Variants in CAMTA1 observed in about 807,000 individuals in gnomAD.
The protein encoded by CAMTA1 is calmodulin binding transcription activator 1, also known as calmodulin-binding transcription activator 1.
A neutral mutation model predicts 170.9 loss-of-function variants in CAMTA1; 27 were observed. That is an observed-to-expected ratio of 0.16 (90% confidence interval 0.12 to 0.22). The LOEUF is 0.22. Ranked by LOEUF, CAMTA1 falls within the 10% of genes least tolerant of loss-of-function variation. CAMTA1 has a pLI of 1.00. For synonymous variants in CAMTA1, 833 were observed against 891.5 expected (o/e 0.93, Z 1.17); for missense variants, 1,619 against 2,217.2 (o/e 0.73, Z 5.42).
chr1:7,324,284 G>A (rs574525674), intron 5 of CAMTA1, among the ~76,000 whole-genome samples: 1 of 151,896 alleles, frequency 6.6e-6, no homozygotes, highest in South Asian at 2.1e-4. Flanking sequence ...TATTTTATCT[G>A]CTTTCTTTTG....
At chr1:7,499,293 CGTGT>C (rs1291614707) in intron 6 of CAMTA1, among the ~76,000 whole-genome samples, 8 of 74,320 alleles carry the variant, frequency 1.1e-4, no homozygotes, top group Non-Finnish European at 1.5e-4. Context: ...GCCTGGTGTG[CGTGT>C]GTATGTATAT....
intron 1 of CAMTA1, among the ~76,000 whole-genome samples, chr1:6,798,729 T>C (rs1164283593): frequency 7.1e-6 from 1 of 141,032 alleles, no homozygotes; most frequent in Non-Finnish European, 1.5e-5. Context: ...CCCGAGTAGC[T>C]GGGACTACAG....
intron 3 of CAMTA1, among the ~76,000 whole-genome samples, chr1:6,930,939 C>G (rs879530764): frequency 6.6e-6 from 1 of 152,230 alleles, no homozygotes; most frequent in Non-Finnish European, 1.5e-5. Context: ...TTGGCTCCGC[C>G]GCGTCTCCTC....
intron 6 of CAMTA1, among the ~76,000 whole-genome samples, chr1:7,539,069 C>A (rs2094580022): frequency 6.6e-6 from 1 of 152,218 alleles, no homozygotes. Context: ...CCCTCAGGGC[C>A]AGGGTTGCAA....
intron 3 of CAMTA1, among the ~76,000 whole-genome samples, chr1:7,062,816 C>T (rs1708433983): frequency 6.6e-6 from 1 of 152,216 alleles, no homozygotes; most frequent in Admixed American, 6.5e-5. Context: ...CCTCGCCCCT[C>T]CTAGCGTCTG....
Position 7,736,208 on chromosome 1 carries a change from G to A in CAMTA1, c.3067-136G>A, listed in dbSNP as rs2096771291. 3.7e-6 allele frequency: 3 copies of A among 803,432 alleles called. No homozygotes were observed. The highest frequency in any genetic ancestry group is 1.8e-5 in the South Asian group (1 of 55,122). 49.8% of individuals were successfully genotyped at this position (803,432 alleles called of 1,614,324 possible). A position where few individuals can be genotyped will look rare whatever the true frequency, so the allele number is the denominator to read the frequency against. On this transcript the variant is annotated intron_variant, in intron 12 of 22. Coordinates refer to ENST00000303635, the MANE Select transcript of CAMTA1 (RefSeq NM_015215.4). This position sits in a 1 kb window ranked among gnomAD's most constrained non-coding sequence, Gnocchi z 4.5. ...GCATGATCCAGCATGCCCAGCCAAT[G>A]TTTCTTTATTTTCAGTGTTTTATGT... is the stretch of plus-strand genomic sequence containing the variant.
At chr1:6,988,338 A>C (rs1300742816) in intron 3 of CAMTA1, among the ~76,000 whole-genome samples, 1 of 152,210 alleles carries the variant, frequency 6.6e-6, no homozygotes, top group Non-Finnish European at 1.5e-5. Flanking sequence ...TGCGGGAGGC[A>C]GACCTAATGA....
In CAMTA1 at chr1:7,751,240, C is replaced by T. The variant is rs140556422; in HGVS notation, c.4731C>T (p.Ile1577=). Residue 1577 remains isoleucine, a synonymous_variant, in exon 20 of 23, where the codon ATC becomes ATT. Coordinates refer to ENST00000303635, the MANE Select transcript of CAMTA1 (RefSeq NM_015215.4). ...AGATGACACAGGCTGCCATCCTTAT[C>T]CAGAGCAAATTCCGAAGTTACTATG... The part of the protein sequence containing the change: ...YKKMTQAAIL[I]QSKFRSYYEQ... 1.1e-3 allele frequency: 1,770 copies of T among 1,608,612 alleles called. 2 individuals carry two copies. Among genetic ancestry groups the T allele is most frequent in the Non-Finnish European group, 1.4e-3 (1,679 of 1,178,496 alleles).
intron 5 of CAMTA1, among the ~76,000 whole-genome samples, chr1:7,312,403 C>CTT (rs1553130074): frequency 6.6e-6 from 1 of 151,842 alleles, no homozygotes; most frequent in African/African-American, 2.4e-5. Context: ...TACCGTGGCT[C>CTT]TCTTTCTACA....
intron 4 of CAMTA1, among the ~76,000 whole-genome samples, chr1:7,184,522 TAAAA>T (rs1000019985): frequency 4.0e-5 from 6 of 151,888 alleles, no homozygotes; most frequent in Admixed American, 2.0e-4. Flanking sequence ...AATTAAAAAT[TAAAA>T]AAAGTAAAAA....
At chr1:7,214,822 TG>T (rs774303770) in intron 4 of CAMTA1, among the ~76,000 whole-genome samples, 4 of 151,782 alleles carry the variant, frequency 2.6e-5, no homozygotes, top group Non-Finnish European at 4.4e-5. Context: ...TTTTTGCAGG[TG>T]TGGAGAAGAC....
At chr1:6,901,231 ATAAAAATT>A (rs1676867916) in intron 3 of CAMTA1, among the ~76,000 whole-genome samples, 2 of 152,384 alleles carry the variant, frequency 1.3e-5, no homozygotes, top group South Asian at 4.1e-4. Context: ...CATACTGTAT[ATAAAAATT>A]AACTCAAAGT....
chr1:7,698,074 A>ACC lies in CAMTA1; in HGVS notation c.2914+20354_2914+20355dup, dbSNP rs55893283. Among the ~76,000 whole-genome samples, 423 of 98,498 alleles carry ACC rather than the reference A, an allele frequency of 4.3e-3. 6 individuals are homozygous for ACC. Among genetic ancestry groups the ACC allele is most frequent in the Non-Finnish European group, 6.0e-3 (277 of 45,912 alleles). 64.6% of individuals were successfully genotyped at this position (98,498 alleles called of 152,430 possible). A position where few individuals can be genotyped will look rare whatever the true frequency, so the allele number is the denominator to read the frequency against. ...CAGGTCATGCTGGCCACGCACTGTG[A>ACC]CCCCCCCCCCCCCCACCAACATGGC... On this transcript the variant is annotated intron_variant, in intron 11 of 22. Coordinates refer to ENST00000303635, the MANE Select transcript of CAMTA1 (RefSeq NM_015215.4).
At chr1:7,327,406 CAAA>C (rs34737058) in intron 5 of CAMTA1, among the ~76,000 whole-genome samples, 10 of 87,900 alleles carry the variant, frequency 1.1e-4, no homozygotes, top group Non-Finnish European at 1.8e-4. Context: ...GACTCCATCT[CAAA>C]AAAAAAAAAA....
intron 4 of CAMTA1, among the ~76,000 whole-genome samples, chr1:7,226,148 G>A (rs78157695): frequency 0.034 from 5,228 of 152,182 alleles, 257 homozygotes; most frequent in African/African-American, 0.1. Context: ...GGCCAAACAC[G>A]TGCCTCCAAA....
At position 7,580,019 on chromosome 1, in the gene CAMTA1, C is replaced by T. The variant is rs1045738781; in HGVS notation, c.511-60381C>T. 3.3e-5 allele frequency among the ~76,000 whole-genome samples: 5 copies of T among 152,250 alleles called. No homozygotes were observed. Among genetic ancestry groups the T allele is most frequent in the Non-Finnish European group, 7.3e-5 (5 of 68,046 alleles). On this transcript the variant is annotated intron_variant, in intron 6 of 22. Transcript: ENST00000303635. The surrounding 1 kb of genome is among the most constrained non-coding windows in gnomAD (Gnocchi z 4.3). ...ACTTGGGGCAGCTCAGCTGAATCCACCCTCTCTCCGGTCAACTCACAACTC... is the reference window on the plus strand; with the variant it reads ...ACTTGGGGCAGCTCAGCTGAATCCATCCTCTCTCCGGTCAACTCACAACTC...
intron 4 of CAMTA1, among the ~76,000 whole-genome samples, chr1:7,197,754 G>A (rs982464068): frequency 3.3e-5 from 5 of 151,076 alleles, no homozygotes; most frequent in Admixed American, 3.3e-4. Flanking sequence ...CCTTTTCCTA[G>A]TTGAGAAGAA....
chr1:7,074,851 G>A (rs190995883), intron 3 of CAMTA1, among the ~76,000 whole-genome samples: 1 of 152,240 alleles, frequency 6.6e-6, no homozygotes, highest in Admixed American at 6.5e-5. Context: ...CTTTCATTGG[G>A]TGTGAGGACC....
intron 6 of CAMTA1, among the ~76,000 whole-genome samples, chr1:7,617,222 G>A (rs1247728250): frequency 6.6e-6 from 1 of 152,194 alleles, no homozygotes; most frequent in Non-Finnish European, 1.5e-5. Context: ...ACACATGGTC[G>A]TGGCTGAGGA....
Sources: allele counts gnomAD v4.1 joint callset (sites outside exome capture counted in the v4.1 genomes callset), GRCh38; gene constraint gnomAD v4.1.1; non-coding constraint Gnocchi (gnomAD v3.1); transcripts MANE v1.5; gene names NCBI Gene and HGNC (gene_info 2026-07-23, HGNC 2026-07-21).